The following GABRB3 variants were observed in gnomAD, a reference collection of about 807,000 sequenced individuals.
GABRB3 encodes the protein gamma-aminobutyric acid receptor subunit beta-3.
GABRB3 carries 14 observed loss-of-function variants against 52.1 expected under a neutral mutation model. That is an observed-to-expected ratio of 0.27 (90% CI 0.18 to 0.42). The LOEUF is 0.42. Ranked by LOEUF, GABRB3 falls within the 10% of genes least tolerant of loss-of-function variation. The probability of loss-of-function intolerance (pLI) is 1.00; values close to 1 mark genes in which losing one functional copy is unlikely to be tolerated. For missense variants in GABRB3, 307 were observed against 609.1 expected, an observed-to-expected ratio of 0.50 and a Z score of 5.22; for synonymous variants, 260 against 232.3, an observed-to-expected ratio of 1.12 and a Z score of -1.08.
rs112206696 is a variant in GABRB3 at position 26,640,246 on chromosome 15, G to A, written c.241-18712C>T. On this transcript the variant is annotated intron_variant, in intron 3 of 8. Transcript: ENST00000311550. ...AAGTATCAAAACGTTGGCCGGGCGC[G>A]GTGGCTCATGCCTGTAATACCAGCA... 3.7e-3 allele frequency among the ~76,000 whole-genome samples: 563 copies of A among 152,224 alleles called. 5 individuals are homozygous for A. The highest frequency in any genetic ancestry group is 0.013 in the African/African-American group (524 of 41,542).
At chr15:26,624,959 C>T in intron 3 of GABRB3, 1 of 985,466 alleles carries the variant, frequency 1.0e-6, no homozygotes, top group Middle Eastern at 5.2e-4. Context: ...AAACTCCACG[C>T]CCTGTGCTAC....
At chr15:26,716,496 G>A (rs950136933) in intron 3 of GABRB3, 4 of 654,718 alleles carry the variant, frequency 6.1e-6, no homozygotes, top group Non-Finnish European at 7.6e-6. Context: ...ATGAAGAAAC[G>A]ATGCTCAGGG....
intron 3 of GABRB3, among the ~76,000 whole-genome samples, chr15:26,650,259 T>C (rs988085744): frequency 6.6e-6 from 1 of 152,110 alleles, no homozygotes; most frequent in African/African-American, 2.4e-5. Context: ...ATGAACTCCC[T>C]TGGGATTTCA....
At chr15:26,700,140 A>G (rs1324792200) in intron 3 of GABRB3, among the ~76,000 whole-genome samples, 1 of 152,184 alleles carries the variant, frequency 6.6e-6, no homozygotes, top group Admixed American at 6.5e-5. Context: ...AAAATTACTA[A>G]CATTGGGAAT....
chr15:26,645,751 T>C (rs56383525), intron 3 of GABRB3, among the ~76,000 whole-genome samples: 37,670 of 151,860 alleles, frequency 0.25, 5,921 homozygotes, highest in East Asian at 0.82. Flanking sequence ...TAAACTAGGG[T>C]TTTTAATGAC....
At chr15:26,734,103 C>T (rs1419167768) in intron 3 of GABRB3, among the ~76,000 whole-genome samples, 1 of 141,448 alleles carries the variant, frequency 7.1e-6, no homozygotes, top group Non-Finnish European at 1.5e-5. Context: ...GATCTCGCCT[C>T]AACACAACCT....
Position 26,583,328 on chromosome 15 carries a change from A to C in GABRB3, c.544+4T>G, listed in dbSNP as rs557857482. ...GAGAAAGAAACACAGATACGGATAC[A>C]CACAGCTTTCAATTTCCAGAGTGCA... On this transcript the variant is annotated splice_donor_region_variant and intron_variant, in intron 5 of 8. Coordinates refer to ENST00000311550, the MANE Select transcript of GABRB3 (RefSeq NM_000814.6). 1 of 1,609,354 alleles carries C rather than the reference A, an allele frequency of 6.2e-7. No homozygotes were observed. Among genetic ancestry groups the C allele is most frequent in the African/African-American group, 1.3e-5 (1 of 74,812 alleles).
intron 3 of GABRB3, chr15:26,624,598 GC>G (rs1464355728): frequency 1.0e-6 from 1 of 985,378 alleles, no homozygotes; most frequent in East Asian, 1.1e-4. Flanking sequence ...TTGGGTGTCT[GC>G]TGAGGTGACT....
At chr15:26,650,565 T>G (rs1887164670) in intron 3 of GABRB3, among the ~76,000 whole-genome samples, 1 of 152,006 alleles carries the variant, frequency 6.6e-6, no homozygotes, top group Non-Finnish European at 1.5e-5. Flanking sequence ...AAGCCCCACC[T>G]CCAAGCTGAA....
At chr15:26,666,425 A>G (rs113311652) in intron 3 of GABRB3, 73 of 152,266 alleles carry the variant, frequency 4.8e-4, no homozygotes, top group African/African-American at 1.7e-3. Context: ...CACCGAAGTC[A>G]CTCAGCGTGG....
intron 3 of GABRB3, among the ~76,000 whole-genome samples, chr15:26,751,890 CTA>C (rs1890519599): frequency 6.6e-6 from 1 of 151,940 alleles, no homozygotes. Flanking sequence ...TTCAGGCAAA[CTA>C]TGTAACATGG....
At chr15:26,658,955 A>T (rs2140606322) in intron 3 of GABRB3, among the ~76,000 whole-genome samples, 1 of 152,332 alleles carries the variant, frequency 6.6e-6, no homozygotes, top group South Asian at 2.1e-4. Context: ...AAATTGATCA[A>T]ATTGTTCCTA....
At chr15:26,711,459 T>G (rs1451773596) in intron 3 of GABRB3, among the ~76,000 whole-genome samples, 1 of 105,916 alleles carries the variant, frequency 9.4e-6, no homozygotes, top group Non-Finnish European at 2.2e-5. Context: ...AATCCACTGC[T>G]CCGCTCGGCC....
intron 4 of GABRB3, among the ~76,000 whole-genome samples, chr15:26,595,229 G>GA (rs1891353846): frequency 6.6e-6 from 1 of 152,142 alleles, no homozygotes; most frequent in Non-Finnish European, 1.5e-5. Context: ...CTTGCATTCT[G>GA]AGTTAGGCAA....
At chr15:26,706,232 A>G (rs1595541422) in intron 3 of GABRB3, among the ~76,000 whole-genome samples, 1 of 152,136 alleles carries the variant, frequency 6.6e-6, no homozygotes, top group South Asian at 2.1e-4. Flanking sequence ...CAAAAATTGA[A>G]CCTGGCACAG....
chr15:26,760,803 G>GCACACACACACA (rs1367721771), intron 3 of GABRB3, among the ~76,000 whole-genome samples: 1 of 22,476 alleles, frequency 4.4e-5, no homozygotes, highest in Non-Finnish European at 8.5e-5. Flanking sequence ...ACACACACAC[G>GCACACACACACA]CGCACGCACA....
intron 8 of GABRB3, among the ~76,000 whole-genome samples, chr15:26,556,693 G>C (rs1174866571): frequency 1.9e-5 from 2 of 103,368 alleles, no homozygotes; most frequent in Non-Finnish European, 5.1e-5. Context: ...AAGCATTCAT[G>C]AATCAATTAT....
At chr15:26,628,500 G>A (rs1357168340) in intron 3 of GABRB3, among the ~76,000 whole-genome samples, 1 of 152,148 alleles carries the variant, frequency 6.6e-6, no homozygotes, top group Non-Finnish European at 1.5e-5. Flanking sequence ...GCCACTTCTG[G>A]GAAGGATGAC....
At chr15:26,640,648 G>C (rs866477600) in intron 3 of GABRB3, among the ~76,000 whole-genome samples, 2 of 152,206 alleles carry the variant, frequency 1.3e-5, no homozygotes, top group Non-Finnish European at 2.9e-5. Context: ...CCATATGTGA[G>C]AGTTGCCTCA....
Sources: allele counts gnomAD v4.1 joint callset (sites outside exome capture counted in the v4.1 genomes callset), GRCh38; gene constraint gnomAD v4.1.1; transcripts MANE v1.5; gene names NCBI Gene and HGNC (gene_info 2026-07-23, HGNC 2026-07-21).